GPHN: variants seen among roughly 807,000 people sequenced by gnomAD.
GPHN encodes the protein gephyrin.
In GPHN, 17 loss-of-function variants were observed where a neutral mutation model predicts 95.5. The observed-to-expected ratio is 0.18, with a 90% CI of 0.12 to 0.27. GPHN has a LOEUF of 0.27. Among genes scored for constraint, GPHN ranks in the 10% least tolerant of loss-of-function variants. The pLI is 1.00. For missense variants in GPHN, 660 were observed against 978.1 expected, an observed-to-expected ratio of 0.67 and a Z score of 4.34; for synonymous variants, 320 against 322.5, an observed-to-expected ratio of 0.99 and a Z score of 0.08.
At chr14:67,327,550 T>A in the GPHN span, among the ~76,000 whole-genome samples, 1 of 152,118 alleles carries the variant, frequency 6.6e-6, no homozygotes, top group East Asian at 1.9e-4. Flanking sequence ...GCAGGTTTGT[T>A]ACGTATGTAT....
At chr14:67,457,993 G>T in the GPHN span, among the ~76,000 whole-genome samples, 1 of 152,158 alleles carries the variant, frequency 6.6e-6, no homozygotes, top group South Asian at 2.1e-4. Flanking sequence ...TGCTGCTGTT[G>T]GCTAAGGATC....
chr14:66,823,805 A>G (rs1393356248), intron 3 of GPHN, among the ~76,000 whole-genome samples: 14 of 152,232 alleles, frequency 9.2e-5, no homozygotes, highest in Non-Finnish European at 1.6e-4. Context: ...CGGCAATTAA[A>G]TGATGAAATT....
intron 10 of GPHN, among the ~76,000 whole-genome samples, chr14:67,039,683 C>T (rs890465259): frequency 1.4e-4 from 22 of 152,244 alleles, no homozygotes; most frequent in Middle Eastern, 3.4e-3. Context: ...GTCTCAGCTA[C>T]TCAGGAGGCT....
the GPHN span, chr14:67,662,362 T>G: frequency 1.0e-6 from 1 of 966,702 alleles, no homozygotes; most frequent in Non-Finnish European, 1.6e-6. Context: ...TAGTAAGAAA[T>G]AGTCAAAATC....
intron 18 of GPHN, among the ~76,000 whole-genome samples, chr14:67,157,472 A>T (rs1289629574): frequency 6.6e-6 from 1 of 152,208 alleles, no homozygotes; most frequent in Non-Finnish European, 1.5e-5. Flanking sequence ...TGGGATAGAC[A>T]GTGGGGTAGA....
the GPHN span, chr14:67,570,662 C>T: frequency 6.6e-6 from 1 of 152,232 alleles, no homozygotes; most frequent in South Asian, 2.1e-4. Flanking sequence ...ACATGTCATT[C>T]TATGCCTTGC....
At chr14:67,368,906 T>C in the GPHN span, among the ~76,000 whole-genome samples, 1 of 151,972 alleles carries the variant, frequency 6.6e-6, no homozygotes, top group Non-Finnish European at 1.5e-5. Context: ...GCCAAAGATA[T>C]ATTAAAATGG....
At chr14:67,289,734 C>G in the GPHN span, among the ~76,000 whole-genome samples, 1 of 144,882 alleles carries the variant, frequency 6.9e-6, no homozygotes, top group Non-Finnish European at 1.5e-5. Flanking sequence ...AGAGAGCTGA[C>G]AAAAAGGCAC....
chr14:67,070,715 A>AAAAAAAAAAAAAAAAAATATATAT, intron 11 of GPHN, among the ~76,000 whole-genome samples: 1 of 80,740 alleles, frequency 1.2e-5, no homozygotes, highest in African/African-American at 1.3e-4. Flanking sequence ...AAAAAAAAAA[A>AAAAAAAAAAAAAAAAAATATATAT]ATATATATAT....
chr14:66,521,688 C>A (rs2058491104), intron 1 of GPHN, among the ~76,000 whole-genome samples: 2 of 151,968 alleles, frequency 1.3e-5, no homozygotes, highest in South Asian at 4.2e-4. Context: ...GGGCACTAAT[C>A]CCATTTATGA....
At chr14:67,397,607 G>C in the GPHN span, 12 of 1,465,542 alleles carry the variant, frequency 8.2e-6, no homozygotes, top group South Asian at 1.3e-5. Flanking sequence ...AAAGAGGCCA[G>C]AGGTGGGAAG....
At chr14:67,662,181 A>AC in the GPHN span, among the ~76,000 whole-genome samples, 23 of 150,426 alleles carry the variant, frequency 1.5e-4, no homozygotes, top group East Asian at 3.9e-4. Flanking sequence ...AACAACAACA[A>AC]AAAAAAAAAC....
At chr14:66,819,416 G>T (rs1027005509) in intron 3 of GPHN, among the ~76,000 whole-genome samples, 8 of 151,888 alleles carry the variant, frequency 5.3e-5, no homozygotes, top group African/African-American at 1.9e-4. Flanking sequence ...TGGGTTCTCT[G>T]TTCTGTCCCC....
At chr14:67,166,474 A>AATTAAAACCTGTTTTC (rs1344193417) in intron 20 of GPHN, among the ~76,000 whole-genome samples, 3 of 152,210 alleles carry the variant, frequency 2.0e-5, no homozygotes, top group Non-Finnish European at 4.4e-5. Flanking sequence ...GATGTTATAA[A>AATTAAAACCTGTTTTC]ATTAAAACCT....
At chr14:67,237,925 T>C in the GPHN span, among the ~76,000 whole-genome samples, 2 of 152,194 alleles carry the variant, frequency 1.3e-5, no homozygotes, top group Non-Finnish European at 2.9e-5. Flanking sequence ...GGGGGAATAT[T>C]ATATTCTCTT....
At chr14:67,184,906 T>C (rs1156701166), downstream of GPHN, among the ~76,000 whole-genome samples, 1 of 152,046 alleles carries the variant, frequency 6.6e-6, no homozygotes, top group East Asian at 1.9e-4. Context: ...AAAAACAGTT[T>C]GTAGAAGAGA....
intron 5 of GPHN, among the ~76,000 whole-genome samples, chr14:66,899,078 G>A (rs2065002011): frequency 6.7e-6 from 1 of 149,576 alleles, no homozygotes; most frequent in South Asian, 2.1e-4. Flanking sequence ...ATATTCTACA[G>A]CCTTGCTTAA....
the GPHN span, among the ~76,000 whole-genome samples, chr14:67,355,917 T>C: frequency 6.6e-6 from 1 of 151,946 alleles, no homozygotes; most frequent in African/African-American, 2.4e-5. Context: ...AGAGGACTGA[T>C]TGAGCCCAGG....
chr14:67,535,149 A>G, the GPHN span, among the ~76,000 whole-genome samples: 1 of 152,194 alleles, frequency 6.6e-6, no homozygotes, highest in African/African-American at 2.4e-5. Context: ...TGTGAATGCC[A>G]CATACATATG....
Sources: gnomAD v4.1 joint callset for allele counts (sites outside exome capture counted in the v4.1 genomes callset) on GRCh38, gnomAD v4.1.1 for gene constraint, MANE v1.5 for transcripts, NCBI Gene and HGNC (gene_info 2026-07-23, HGNC 2026-07-21) for gene names.